Variants in DSCAM observed in about 807,000 individuals in gnomAD.
DSCAM encodes DS cell adhesion molecule.
Under a neutral mutation model 217.7 loss-of-function variants are expected in DSCAM, and 47 were observed. The ratio of observed to expected loss-of-function variants is 0.22; its 90% CI spans 0.17 to 0.28. DSCAM has a LOEUF of 0.28. Ranked by LOEUF, DSCAM falls within the 10% of genes least tolerant of loss-of-function variation. The probability of loss-of-function intolerance (pLI) is 1.00; values close to 1 mark genes in which losing one functional copy is unlikely to be tolerated. For synonymous variants in DSCAM, 1,056 were observed against 1,015.3 expected (o/e 1.04, Z -0.76); for missense variants, 2,080 against 2,618.3 (o/e 0.79, Z 4.49).
intron 3 of DSCAM, among the ~76,000 whole-genome samples, chr21:40,612,212 G>A (rs2089325042): frequency 6.6e-6 from 1 of 152,172 alleles, no homozygotes; most frequent in Non-Finnish European, 1.5e-5. Context: ...TCTGCTCATT[G>A]AGATTTATAA....
intron 9 of DSCAM, among the ~76,000 whole-genome samples, chr21:40,305,314 C>G (rs375122536): frequency 3.4e-5 from 5 of 145,982 alleles, no homozygotes; most frequent in African/African-American, 1.0e-4. Flanking sequence ...GGTGTGAACC[C>G]GGAAGGTAGA....
chr21:40,749,023 T>G (rs1225558222), intron 1 of DSCAM, among the ~76,000 whole-genome samples: 1 of 152,054 alleles, frequency 6.6e-6, no homozygotes, highest in Non-Finnish European at 1.5e-5. Flanking sequence ...AAACTGGATA[T>G]CCACATGCAG....
chr21:40,126,480 T>A (rs2090095349), intron 19 of DSCAM, among the ~76,000 whole-genome samples: 1 of 152,088 alleles, frequency 6.6e-6, no homozygotes, highest in Non-Finnish European at 1.5e-5. Context: ...TGCTCTTACT[T>A]GAGACACCAG....
chr21:40,206,560 T>C (rs368883518), intron 11 of DSCAM, among the ~76,000 whole-genome samples: 29 of 152,168 alleles, frequency 1.9e-4, no homozygotes, highest in African/African-American at 6.8e-4. Flanking sequence ...CCATATTTCC[T>C]GGGCCATTTC....
At chr21:40,705,811 T>C (rs1324472992) in intron 2 of DSCAM, among the ~76,000 whole-genome samples, 2 of 152,162 alleles carry the variant, frequency 1.3e-5, no homozygotes, top group African/African-American at 4.8e-5. Flanking sequence ...CACTGGTTTT[T>C]GGTTGTTTCA....
intron 20 of DSCAM, among the ~76,000 whole-genome samples, chr21:40,121,484 T>G (rs16999311): frequency 0.023 from 3,458 of 152,124 alleles, 128 homozygotes; most frequent in African/African-American, 0.077. Flanking sequence ...TCACTTCAAT[T>G]AAGATGCTCT....
intron 3 of DSCAM, among the ~76,000 whole-genome samples, chr21:40,661,172 T>A (rs1246724727): frequency 6.6e-6 from 1 of 152,222 alleles, no homozygotes; most frequent in African/African-American, 2.4e-5. Flanking sequence ...ATGCACGATA[T>A]CATTTATATG....
intron 6 of DSCAM, among the ~76,000 whole-genome samples, chr21:40,342,649 T>TTTTA (rs2074509967): frequency 2.6e-5 from 1 of 38,996 alleles, no homozygotes; most frequent in African/African-American, 7.2e-5. Flanking sequence ...TATATATATA[T>TTTTA]TTTTTTTTTT....
chr21:40,845,588 GCTCTCTCTCCCTCCTCTCTTTCT>G (rs2092138745), intron 1 of DSCAM, among the ~76,000 whole-genome samples: 2 of 104,888 alleles, frequency 1.9e-5, no homozygotes, highest in Non-Finnish European at 2.0e-5. Flanking sequence ...TGTCTGTCTC[GCTCTCTCTCCCTCCTCTCTTTCT>G]CTCTCTCTCT....
At chr21:40,780,423 G>GTGTGTGTGTGTATATATATATATATATA (rs1007015659) in intron 1 of DSCAM, among the ~76,000 whole-genome samples, 26 of 56,414 alleles carry the variant, frequency 4.6e-4, no homozygotes, top group African/African-American at 1.9e-3. Flanking sequence ...GTGTGTGTGT[G>GTGTGTGTGTGTATATATATATATATATA]TATATATATA....
At chr21:40,115,328 G>T (rs376690205) in intron 20 of DSCAM, among the ~76,000 whole-genome samples, 37 of 152,138 alleles carry the variant, frequency 2.4e-4, no homozygotes, top group African/African-American at 8.7e-4. Context: ...AAAACCAAAC[G>T]CCGCAAGTTC....
At chr21:40,222,007 T>A (rs1217740987) in intron 11 of DSCAM, among the ~76,000 whole-genome samples, 4 of 152,186 alleles carry the variant, frequency 2.6e-5, no homozygotes, top group Admixed American at 6.5e-5. Flanking sequence ...AAAGAAAAAC[T>A]GATAAACTAT....
intron 5 of DSCAM, among the ~76,000 whole-genome samples, chr21:40,349,852 G>A (rs1009178789): frequency 3.9e-5 from 6 of 152,138 alleles, no homozygotes; most frequent in African/African-American, 1.4e-4. Flanking sequence ...AAAATAAAGA[G>A]AAATTCTTTA....
intron 1 of DSCAM, among the ~76,000 whole-genome samples, chr21:40,824,403 AT>A (rs536114434): frequency 0.22 from 26,312 of 120,888 alleles, 2,346 homozygotes; most frequent in Non-Finnish European, 0.25. Context: ...TTTATTATTG[AT>A]TTTTTTTTTT....
intron 5 of DSCAM, 80 bp downstream of exon 5, chr21:40,353,385 G>A: frequency 1.3e-6 from 2 of 1,557,562 alleles, no homozygotes; most frequent in South Asian, 2.5e-5. Context: ...AAGCTACAGA[G>A]AAAACATGGA....
chr21:40,156,763 C>T (rs1020816725), intron 16 of DSCAM, among the ~76,000 whole-genome samples: 12 of 152,084 alleles, frequency 7.9e-5, no homozygotes, highest in East Asian at 5.8e-4. Flanking sequence ...AGTTCTAAGA[C>T]GAGATGAGGA....
At chr21:40,702,027 T>C (rs550114923) in intron 2 of DSCAM, among the ~76,000 whole-genome samples, 34 of 152,314 alleles carry the variant, frequency 2.2e-4, no homozygotes, top group African/African-American at 7.7e-4. Flanking sequence ...ACTAGGAGTA[T>C]TGAAATCTCC....
At chr21:40,418,645 A>G (rs969790570) in intron 3 of DSCAM, among the ~76,000 whole-genome samples, 2 of 152,222 alleles carry the variant, frequency 1.3e-5, no homozygotes, top group Non-Finnish European at 2.9e-5. Flanking sequence ...CTAATTAATT[A>G]TCACAACATA....
chr21:40,243,984 G>A (rs2073188181), intron 11 of DSCAM, among the ~76,000 whole-genome samples: 1 of 152,080 alleles, frequency 6.6e-6, no homozygotes, highest in South Asian at 2.1e-4. Flanking sequence ...AAGACAAGTG[G>A]AAAATAAATG....
Sources: allele counts gnomAD v4.1 joint callset (sites outside exome capture counted in the v4.1 genomes callset), GRCh38; gene constraint gnomAD v4.1.1; transcripts MANE v1.5; gene names NCBI Gene and HGNC (gene_info 2026-07-23, HGNC 2026-07-21).